Variants in GRHL2 observed in about 807,000 individuals in gnomAD.
The protein encoded by GRHL2 is grainyhead-like protein 2 homolog.
GRHL2 carries 21 observed loss-of-function variants against 83.8 expected under a neutral mutation model. The ratio of observed to expected loss-of-function variants is 0.25; its 90% CI spans 0.18 to 0.36. The LOEUF (loss-of-function observed/expected upper bound fraction) is 0.36. GRHL2 is among the 10% of genes least tolerant of loss of function. The probability of loss-of-function intolerance (pLI) is 1.00; values close to 1 mark genes in which losing one functional copy is unlikely to be tolerated. For synonymous variants in GRHL2, 280 were observed against 278.9 expected (o/e 1.00, Z -0.04); for missense variants, 623 against 781.8 (o/e 0.80, Z 2.42).
intron 1 of GRHL2, among the ~76,000 whole-genome samples, chr8:101,517,544 T>C (rs1022117947): frequency 6.6e-6 from 1 of 152,204 alleles, no homozygotes; most frequent in Non-Finnish European, 1.5e-5. Flanking sequence ...CTGCATTTTG[T>C]ATTTGATTCA....
At chr8:101,655,813 ATGG>A (rs1813773880) in intron 14 of GRHL2, among the ~76,000 whole-genome samples, 1 of 152,214 alleles carries the variant, frequency 6.6e-6, no homozygotes, top group African/African-American at 2.4e-5. Context: ...GGTGGTGGTG[ATGG>A]TGGTAGTGAG....
chr8:101,540,733 C>A (rs1811135195), intron 1 of GRHL2, among the ~76,000 whole-genome samples: 1 of 152,168 alleles, frequency 6.6e-6, no homozygotes, highest in Non-Finnish European at 1.5e-5. Context: ...AGCTGAGGAA[C>A]CATCTACCAT....
rs1174568425 is a variant in GRHL2, at chr8:101,545,870, A to ATT, written c.216+2463_216+2464dup. 5.5e-3 allele frequency among the ~76,000 whole-genome samples: 460 copies of ATT among 83,616 alleles called. 95 individuals are homozygous for ATT. The highest frequency in any genetic ancestry group is 0.01 in the African/African-American group (219 of 20,904). The allele number at this position is 83,616 out of a possible 152,430, so 54.9% of individuals were successfully genotyped here. A position where few individuals can be genotyped will look rare whatever the true frequency, so the allele number is the denominator to read the frequency against. On this transcript the variant is annotated intron_variant, in intron 2 of 15. Transcript: ENST00000646743. The stretch of plus-strand genomic sequence containing the variant: ...GATCATTACAACTTCTCTTTGTAAC[A>ATT]TTTTTTTTTTTTTTTTTTTTTTTTT...
intron 14 of GRHL2, among the ~76,000 whole-genome samples, chr8:101,663,654 T>TAAA (rs1467639533): frequency 6.0e-5 from 9 of 150,058 alleles, no homozygotes; most frequent in Non-Finnish European, 8.9e-5. Flanking sequence ...AAAATAAAAG[T>TAAA]AGTATCCTAC....
intron 8 of GRHL2, among the ~76,000 whole-genome samples, chr8:101,602,564 T>A (rs1265292703): frequency 1.3e-5 from 2 of 152,072 alleles, no homozygotes; most frequent in Non-Finnish European, 2.9e-5. Flanking sequence ...GAATTTTAAC[T>A]TTTTTTTGCC....
downstream of GRHL2, among the ~76,000 whole-genome samples, chr8:101,672,028 G>GA (rs1814219353): frequency 6.6e-6 from 1 of 151,866 alleles, no homozygotes; most frequent in Non-Finnish European, 1.5e-5. Flanking sequence ...AAACAGAAAG[G>GA]ACATCCACAC....
At chr8:101,514,309 G>A (rs1414230975) in intron 1 of GRHL2, among the ~76,000 whole-genome samples, 5 of 152,200 alleles carry the variant, frequency 3.3e-5, no homozygotes, top group African/African-American at 9.6e-5. Context: ...CTTTGTCTCA[G>A]TTTATGTATG....
chr8:101,577,975 T>A (rs1248174457), intron 7 of GRHL2, among the ~76,000 whole-genome samples: 1 of 152,184 alleles, frequency 6.6e-6, no homozygotes, highest in African/African-American at 2.4e-5. Flanking sequence ...TTTCAACACA[T>A]GCCTAGTGTA....
intron 4 of GRHL2, chr8:101,562,100 T>A (rs576500162): frequency 4.5e-6 from 3 of 674,076 alleles, no homozygotes; most frequent in African/African-American, 3.5e-5. Flanking sequence ...ATAAGATGGA[T>A]GTTTTGCTTT....
At chr8:101,592,100 C>CTTTTTTTTTTTTTTTTTTTTT (rs11382067) in intron 7 of GRHL2, among the ~76,000 whole-genome samples, 7 of 90,312 alleles carry the variant, frequency 7.8e-5, no homozygotes, top group Admixed American at 1.6e-4. Context: ...TCTTTCTTTT[C>CTTTTTTTTTTTTTTTTTTTTT]TTTTTTTTTT....
chr8:101,605,907 A>G (rs978209308), intron 8 of GRHL2, among the ~76,000 whole-genome samples: 3 of 152,068 alleles, frequency 2.0e-5, no homozygotes, highest in Admixed American at 1.3e-4. Flanking sequence ...ATCTCTCTCT[A>G]GCTCCTTTCC....
intron 1 of GRHL2, among the ~76,000 whole-genome samples, chr8:101,530,811 C>T (rs1030141908): frequency 6.6e-6 from 1 of 152,182 alleles, no homozygotes; most frequent in East Asian, 1.9e-4. Context: ...ATTTGGATAT[C>T]ATCCTCTGTT....
chr8:101,535,455 C>T (rs555510927), intron 1 of GRHL2, among the ~76,000 whole-genome samples: 2 of 152,246 alleles, frequency 1.3e-5, no homozygotes, highest in South Asian at 2.1e-4. Context: ...TGGGAGCTGC[C>T]GGGCTTTTTA....
Position 101,492,623 on chromosome 8 carries a change from A to T in GRHL2, c.-147A>T. On this transcript the variant is annotated 5_prime_UTR_variant, in exon 1 of 16. Transcript: ENST00000646743. ...AGCGGGCGAGCGAGCGAGAGTGGTG[A>T]GGGGGGACGGAAAAGCAGAATTACC... The T allele has an allele frequency of 3.9e-6, 3 of 765,208 alleles. No individual in the cohort carries two copies. The highest frequency in any genetic ancestry group is 4.8e-6 in the Non-Finnish European group (2 of 418,608). 47.4% of individuals were successfully genotyped at this position (765,208 alleles called of 1,614,324 possible).
the GRHL2 span, among the ~76,000 whole-genome samples, chr8:101,675,485 A>C: frequency 6.6e-6 from 1 of 152,146 alleles, no homozygotes; most frequent in African/African-American, 2.4e-5. Flanking sequence ...TAAAATACTT[A>C]GGAATCCAAC....
intron 1 of GRHL2, among the ~76,000 whole-genome samples, chr8:101,531,222 CAAAAAAA>C (rs34027383): frequency 7.6e-6 from 1 of 131,908 alleles, no homozygotes. Flanking sequence ...GACCTTATCT[CAAAAAAA>C]AAAAAAAAAA....
chr8:101,530,435 T>C (rs1304219061), intron 1 of GRHL2, among the ~76,000 whole-genome samples: 1 of 152,272 alleles, frequency 6.6e-6, no homozygotes, highest in Non-Finnish European at 1.5e-5. Flanking sequence ...TTCTCAAAGC[T>C]AATTTGGTTA....
In GRHL2 at chr8:101,586,065, C is replaced by CTTTTTTTTTTTTTTTTTTTTTTTT. The variant is rs67985027; in HGVS notation, c.1003+8548_1003+8571dup. On this transcript the variant is annotated intron_variant, in intron 7 of 15. Transcript: ENST00000646743. Reference sequence around the variant, plus strand: ...TCTTCTTTCCTTCCACCTCATGTTTCTTTTTTTTTTTTTTTTTTTTTTTTT... The same window carrying CTTTTTTTTTTTTTTTTTTTTTTTT: ...TCTTCTTTCCTTCCACCTCATGTTTCTTTTTTTTTTTTTTTTTTTTTTTTTTTTTTTTTTTTTTTTTTTTTTTTT... 2.3e-3 allele frequency among the ~76,000 whole-genome samples: 217 copies of CTTTTTTTTTTTTTTTTTTTTTTTT among 94,224 alleles called. 17 individuals are homozygous for CTTTTTTTTTTTTTTTTTTTTTTTT. The highest frequency in any genetic ancestry group is 3.3e-3 in the Non-Finnish European group (159 of 47,784). 61.8% of individuals were successfully genotyped at this position (94,224 alleles called of 152,430 possible).
chr8:101,596,180 A>G (rs1197046083), intron 7 of GRHL2, among the ~76,000 whole-genome samples: 2 of 152,050 alleles, frequency 1.3e-5, no homozygotes, highest in Non-Finnish European at 1.5e-5. Context: ...GTGAAGAAAT[A>G]CAAAGAGTCA....
Sources: gnomAD v4.1 joint callset for allele counts (sites outside exome capture counted in the v4.1 genomes callset) on GRCh38, gnomAD v4.1.1 for gene constraint, MANE v1.5 for transcripts, NCBI Gene and HGNC (gene_info 2026-07-23, HGNC 2026-07-21) for gene names.